The following SLC2A9 variants were observed in gnomAD, a reference collection of about 807,000 sequenced individuals.
The protein encoded by SLC2A9 is solute carrier family 2 member 9.
Under a neutral mutation model 50.6 loss-of-function variants are expected in SLC2A9, and 39 were observed. The observed-to-expected ratio is 0.77, with a 90% CI of 0.60 to 1.01. The LOEUF (loss-of-function observed/expected upper bound fraction) is 1.01, where lower values mean the gene tolerates loss of function less well. SLC2A9 is among the 50% of genes least tolerant of loss of function. The pLI is 0.00. For missense variants in SLC2A9, 686 were observed against 677.6 expected, an observed-to-expected ratio of 1.01 and a Z score of -0.14; for synonymous variants, 324 against 276.9, an observed-to-expected ratio of 1.17 and a Z score of -1.69.
At chr4:9,905,253 C>T (rs890381604) in intron 8 of SLC2A9, among the ~76,000 whole-genome samples, 1 of 152,264 alleles carries the variant, frequency 6.6e-6, no homozygotes, top group African/African-American at 2.4e-5. Flanking sequence ...GATTCCTGCA[C>T]CTCTAGAACA....
chr4:9,866,862 ATGGAGAATTCCAACCATGGTGGG>A (rs1231260193), intron 10 of SLC2A9, among the ~76,000 whole-genome samples: 1 of 152,218 alleles, frequency 6.6e-6, no homozygotes, highest in Non-Finnish European at 1.5e-5. Flanking sequence ...TACTGGTTGC[ATGGAGAATTCCAACCATGGTGGG>A]TGGACTCTGA....
At chr4:9,982,175 C>T (rs1358523483) in intron 4 of SLC2A9, among the ~76,000 whole-genome samples, 4 of 152,212 alleles carry the variant, frequency 2.6e-5, no homozygotes, top group African/African-American at 2.4e-5. Context: ...CCACTGCGCC[C>T]GGACCGGCTT....
At chr4:9,980,808 C>G in intron 4 of SLC2A9, 71 bp from the exon 5 acceptor site, 1 of 1,598,688 alleles carries the variant, frequency 6.3e-7, no homozygotes, top group Non-Finnish European at 8.6e-7. Flanking sequence ...GTTACAATGC[C>G]TCTCTTGGCT....
At chr4:9,916,474 C>T (rs1742867238) in intron 7 of SLC2A9, among the ~76,000 whole-genome samples, 1 of 152,182 alleles carries the variant, frequency 6.6e-6, no homozygotes, top group Non-Finnish European at 1.5e-5. Flanking sequence ...AACTGCATGG[C>T]ATTGAGAGAG....
chr4:9,788,359 T>TATTTA (rs1719488113), intron 3 of SLC2A9, among the ~76,000 whole-genome samples: 1 of 148,116 alleles, frequency 6.8e-6, no homozygotes, highest in Non-Finnish European at 1.5e-5. Context: ...CCAGGTAATT[T>TATTTA]TTTTTTTTTT....
intron 10 of SLC2A9, among the ~76,000 whole-genome samples, chr4:9,864,216 C>T (rs1444297853): frequency 1.3e-5 from 2 of 152,100 alleles, no homozygotes; most frequent in East Asian, 1.9e-4. Context: ...CAGGCTGCCA[C>T]TGTCTTAGAA....
intron 1 of SLC2A9, among the ~76,000 whole-genome samples, chr4:10,028,079 G>A (rs905491319): frequency 1.3e-5 from 2 of 152,132 alleles, no homozygotes; most frequent in African/African-American, 4.8e-5. Context: ...GGCCCCTCCA[G>A]GAGGGTTTCT....
chr4:9,864,659 T>C (rs1732159872), intron 10 of SLC2A9, among the ~76,000 whole-genome samples: 1 of 152,062 alleles, frequency 6.6e-6, no homozygotes, highest in Admixed American at 6.5e-5. Context: ...CCTGGAAGAG[T>C]ACAAATTCTG....
At chr4:10,024,117 T>C (rs1314773313), upstream of SLC2A9, among the ~76,000 whole-genome samples, 3 of 152,184 alleles carry the variant, frequency 2.0e-5, no homozygotes, top group Non-Finnish European at 2.9e-5. Flanking sequence ...CTTCAGCACT[T>C]AACTCTCTCG....
intron 1 of SLC2A9, among the ~76,000 whole-genome samples, chr4:10,032,700 T>C (rs1763974023): frequency 6.6e-6 from 1 of 152,154 alleles, no homozygotes; most frequent in Non-Finnish European, 1.5e-5. Flanking sequence ...TCCCTGGCCA[T>C]GGTCAACAGG....
In SLC2A9 at chr4:9,834,989, C is replaced by G. The variant is rs755188717; in HGVS notation, c.1311G>C (p.Leu437Phe). Reference sequence around the variant, plus strand: ...GAGATTGCTGGAAGAACTCACCAGTCAAGATGAACGGGATGCCACCTGCAG... The same window carrying G: ...GAGATTGCTGGAAGAACTCACCAGTGAAGATGAACGGGATGCCACCTGCAG... ...CSGPGGIPFILTGEFFQQSQR... is the reference protein window; with the variant it reads ...CSGPGGIPFIFTGEFFQQSQR... Residue 437 changes from leucine to phenylalanine, a missense_variant, in exon 11 of 12, where the codon TTG becomes TTC. Coordinates refer to ENST00000264784, the MANE Select transcript of SLC2A9 (RefSeq NM_020041.3). 6.2e-7 allele frequency: 1 copy of G among 1,613,648 alleles called. No homozygotes were observed. The highest frequency in any genetic ancestry group is 8.5e-7 in the Non-Finnish European group (1 of 1,179,978).
chr4:9,771,832 CAAG>C (rs1716865219), intron 1 of SLC2A9, among the ~76,000 whole-genome samples: 1 of 152,094 alleles, frequency 6.6e-6, no homozygotes, highest in Admixed American at 6.5e-5. Context: ...TCACCCCCTT[CAAG>C]AAGAAGTGGG....
chr4:9,801,691 A>G lies in SLC2A9; in HGVS notation n.421-2450T>C, dbSNP rs376144419. Among the ~76,000 whole-genome samples the G allele has an allele frequency of 2.0e-5, 3 of 152,140 alleles. No homozygotes were observed. In the South Asian group the frequency reaches 6.2e-4, roughly 32 times the overall value. ...GAGCCTCAGAGGGCATTGAGATGAAAAGCCATCAGGGTGCCCAGGAACTGT... is the reference window on the plus strand; with the variant it reads ...GAGCCTCAGAGGGCATTGAGATGAAGAGCCATCAGGGTGCCCAGGAACTGT... On this transcript the variant is annotated intron_variant and non_coding_transcript_variant, in intron 3 of 3. Coordinates refer to the SLC2A9 transcript ENST00000503280.
At chr4:9,971,030 T>G (rs887856426) in intron 5 of SLC2A9, among the ~76,000 whole-genome samples, 2 of 152,188 alleles carry the variant, frequency 1.3e-5, no homozygotes, top group East Asian at 3.9e-4. Flanking sequence ...GACCCTTTCA[T>G]GTAAAATCTT....
chr4:9,781,774 C>A (rs1718418403), intron 3 of SLC2A9: 1 of 405,006 alleles, frequency 2.5e-6, no homozygotes, highest in Non-Finnish European at 4.3e-6. Flanking sequence ...TGGCTGTCAG[C>A]GAGCACCAGC....
At chr4:9,812,815 C>T (rs533524547) in intron 3 of SLC2A9, among the ~76,000 whole-genome samples, 2 of 152,128 alleles carry the variant, frequency 1.3e-5, no homozygotes, top group African/African-American at 4.8e-5. Context: ...TACTTCCAAG[C>T]TCTAGTTCTT....
intron 3 of SLC2A9, among the ~76,000 whole-genome samples, chr4:9,802,558 TC>T: frequency 1.5e-5 from 2 of 129,912 alleles, no homozygotes; most frequent in East Asian, 2.4e-4. Context: ...TTTGTTCTTT[TC>T]TTTTTTTTTT....
At chr4:9,964,333 T>G (rs906877433) in intron 5 of SLC2A9, among the ~76,000 whole-genome samples, 36 of 152,162 alleles carry the variant, frequency 2.4e-4, no homozygotes, top group African/African-American at 8.4e-4. Flanking sequence ...GAACTCTGGT[T>G]GTTATTTAAA....
intron 9 of SLC2A9, among the ~76,000 whole-genome samples, chr4:9,889,816 T>C (rs138339252): frequency 0.013 from 1,908 of 152,344 alleles, 22 homozygotes; most frequent in Non-Finnish European, 0.022. Flanking sequence ...CAGTGTTCAG[T>C]TAATGCAAGC....
Sources: allele counts gnomAD v4.1 joint callset (sites outside exome capture counted in the v4.1 genomes callset), GRCh38; gene constraint gnomAD v4.1.1; transcripts MANE v1.5; gene names NCBI Gene and HGNC (gene_info 2026-07-23, HGNC 2026-07-21).